The following DAB1 variants were observed in gnomAD, a reference collection of about 807,000 sequenced individuals.
The protein encoded by DAB1 is DAB adaptor protein 1, also known as disabled homolog 1.
In DAB1, 15 loss-of-function variants were observed where a neutral mutation model predicts 64.6. The ratio of observed to expected loss-of-function variants is 0.23; its 90% CI spans 0.16 to 0.36. DAB1 has a LOEUF of 0.36. Ranked by LOEUF, DAB1 falls within the 10% of genes least tolerant of loss-of-function variation. The pLI is 1.00. For synonymous variants in DAB1, 235 were observed against 251.9 expected (o/e 0.93, Z 0.64); for missense variants, 596 against 706.7 (o/e 0.84, Z 1.78).
upstream of DAB1, among the ~76,000 whole-genome samples, chr1:57,425,597 C>T (rs977139386): frequency 6.6e-6 from 1 of 152,124 alleles, no homozygotes; most frequent in African/African-American, 2.4e-5. Flanking sequence ...CCTGAGCAAA[C>T]GGAGGCTGTC....
At chr1:57,770,715 G>T (rs940452861) in intron 6 of DAB1, among the ~76,000 whole-genome samples, 1 of 152,070 alleles carries the variant, frequency 6.6e-6, no homozygotes, top group Non-Finnish European at 1.5e-5. Flanking sequence ...AATGAGAAAA[G>T]AATGTAATTA....
intron 7 of DAB1, among the ~76,000 whole-genome samples, chr1:57,568,320 A>T (rs1645148748): frequency 6.6e-6 from 1 of 152,170 alleles, no homozygotes; most frequent in Admixed American, 6.5e-5. Flanking sequence ...AACCATAAAA[A>T]CCCTAGAAGA....
At chr1:57,013,802 C>A (rs149311711) in intron 12 of DAB1, among the ~76,000 whole-genome samples, 59 of 152,240 alleles carry the variant, frequency 3.9e-4, no homozygotes, top group African/African-American at 1.4e-3. Context: ...TACATGTGCT[C>A]AAGTGTATCT....
intron 8 of DAB1, among the ~76,000 whole-genome samples, chr1:57,068,726 C>T (rs768952684): frequency 1.3e-5 from 2 of 152,126 alleles, no homozygotes; most frequent in Non-Finnish European, 2.9e-5. Flanking sequence ...GCCTTCACAC[C>T]CATGCCTGGG....
intron 5 of DAB1, among the ~76,000 whole-genome samples, chr1:58,144,425 CT>C (rs1327351411): frequency 6.6e-6 from 1 of 152,152 alleles, no homozygotes; most frequent in African/African-American, 2.4e-5. Flanking sequence ...TTAGAAAATG[CT>C]TTTTACATCT....
intron 5 of DAB1, among the ~76,000 whole-genome samples, chr1:57,913,792 A>T (rs1359452906): frequency 6.6e-6 from 1 of 152,246 alleles, no homozygotes; most frequent in African/African-American, 2.4e-5. Flanking sequence ...AAGGATATGA[A>T]CAGACACTTC....
chr1:58,341,305 T>C (rs1643930136), intron 4 of DAB1, among the ~76,000 whole-genome samples: 2 of 152,102 alleles, frequency 1.3e-5, no homozygotes, highest in Non-Finnish European at 2.9e-5. Flanking sequence ...AACAGGAGGA[T>C]GGAAAAACTG....
chr1:58,490,798 T>A (rs1350985352), intron 3 of DAB1, among the ~76,000 whole-genome samples: 9 of 67,112 alleles, frequency 1.3e-4, no homozygotes, highest in African/African-American at 6.2e-4. Flanking sequence ...CAACATTCTT[T>A]TTTTTTTTTT....
intron 7 of DAB1, among the ~76,000 whole-genome samples, chr1:57,613,340 C>T (rs1645750925): frequency 6.6e-6 from 1 of 152,182 alleles, no homozygotes; most frequent in African/African-American, 2.4e-5. Flanking sequence ...AAAACACCTA[C>T]CCATGAGGCA....
chr1:57,807,938 C>T lies in DAB1; in HGVS notation n.551+76061G>A, dbSNP rs75156904. ...AACATTTTCTTTTCTCTAGCTTTAT[C>T]GTAAAAATGCAGTATGTAATACATA... is the stretch of plus-strand genomic sequence containing the variant. On this transcript the variant is annotated intron_variant and non_coding_transcript_variant, in intron 6 of 20. Transcript: ENST00000485760. Among the ~76,000 whole-genome samples the T allele has an allele frequency of 6.9e-3, 1,057 of 152,110 alleles. 6 individuals are homozygous for T. The highest frequency in any genetic ancestry group is 0.024 in the African/African-American group (1,014 of 41,488).
At chr1:58,542,922 G>T (rs141499451) in intron 1 of DAB1, among the ~76,000 whole-genome samples, 191 of 152,150 alleles carry the variant, frequency 1.3e-3, no homozygotes, top group African/African-American at 4.4e-3. Context: ...GTGTAAGTTG[G>T]GTCTACAGCG....
At chr1:57,564,499 A>G (rs545127876) in intron 7 of DAB1, among the ~76,000 whole-genome samples, 62 of 152,188 alleles carry the variant, frequency 4.1e-4, no homozygotes, top group Admixed American at 4.1e-3. Context: ...TAAAGGAGGA[A>G]GTCTGAACCC....
intron 7 of DAB1, among the ~76,000 whole-genome samples, chr1:57,485,757 T>C (rs947905160): frequency 1.3e-5 from 2 of 152,164 alleles, no homozygotes; most frequent in African/African-American, 4.8e-5. Flanking sequence ...TTTAAACACT[T>C]AGCACTGGTG....
intron 4 of DAB1, among the ~76,000 whole-genome samples, chr1:58,173,092 C>A (rs147124783): frequency 6.6e-6 from 1 of 152,228 alleles, no homozygotes; most frequent in Non-Finnish European, 1.5e-5. Flanking sequence ...CGCTGCCAGG[C>A]AGAACCTCCC....
intron 4 of DAB1, among the ~76,000 whole-genome samples, chr1:58,187,100 A>G (rs1657120177): frequency 6.6e-6 from 1 of 152,120 alleles, no homozygotes; most frequent in Admixed American, 6.6e-5. Context: ...AAGCTCAAAG[A>G]GATTAAATAA....
intron 1 of DAB1, among the ~76,000 whole-genome samples, chr1:58,529,386 G>A (rs1286318316): frequency 7.2e-5 from 11 of 152,140 alleles, no homozygotes; most frequent in Non-Finnish European, 1.6e-4. Context: ...AAAAATTATG[G>A]TTAACAAAGT....
At chr1:57,458,119 T>G (rs1026528205) in intron 7 of DAB1, among the ~76,000 whole-genome samples, 2 of 152,146 alleles carry the variant, frequency 1.3e-5, no homozygotes, top group African/African-American at 4.8e-5. Flanking sequence ...GTAATACATT[T>G]CATATGTAAG....
chr1:58,079,677 C>G (rs370740068), intron 5 of DAB1, among the ~76,000 whole-genome samples: 2 of 151,842 alleles, frequency 1.3e-5, no homozygotes, highest in African/African-American at 4.8e-5. Flanking sequence ...CCTGCCACCA[C>G]GCCTGGCTAA....
chr1:57,014,887 G>A lies in DAB1; in HGVS notation c.1440C>T (p.Asn480=), dbSNP rs1262414077. 29 of 1,561,420 alleles carry A rather than the reference G, an allele frequency of 1.9e-5. No homozygotes were observed. The highest frequency in any genetic ancestry group is 2.4e-5 in the Non-Finnish European group (28 of 1,151,752). ...TPVTSTTPST[N]SPPTPAPRQS... ...TCTTAAGTGAGGGGCACTCACGTGAGTTGGTCGATGGTGTGGTAGAAGTCA... is the reference window on the plus strand; with the variant it reads ...TCTTAAGTGAGGGGCACTCACGTGAATTGGTCGATGGTGTGGTAGAAGTCA... Residue 480 remains asparagine (N), a synonymous_variant, in exon 12 of 15, where the codon AAC becomes AAT. Transcript: ENST00000371236.
Sources: gnomAD v4.1 joint callset for allele counts (sites outside exome capture counted in the v4.1 genomes callset) on GRCh38, gnomAD v4.1.1 for gene constraint, MANE v1.5 for transcripts, NCBI Gene and HGNC (gene_info 2026-07-23, HGNC 2026-07-21) for gene names.